DPP8: variants seen among roughly 807,000 people sequenced by gnomAD.
DPP8 encodes the protein DPP VIII.
In DPP8, 31 loss-of-function variants were observed where a neutral mutation model predicts 107.5. The observed-to-expected ratio is 0.29, with a 90% confidence interval of 0.22 to 0.39. The LOEUF is 0.39. Ranked by LOEUF, DPP8 falls within the 10% of genes least tolerant of loss-of-function variation. The pLI, the probability that DPP8 is intolerant of heterozygous loss-of-function variation, is 1.00. For synonymous variants in DPP8, 381 were observed against 356.6 expected, an observed-to-expected ratio of 1.07 and a Z score of -0.77; for missense variants, 842 against 1,076.1, an observed-to-expected ratio of 0.78 and a Z score of 3.04.
intron 19 of DPP8, among the ~76,000 whole-genome samples, 186 bp from the exon 20 acceptor site, chr15:65,447,192 G>A (rs1223692602): frequency 2.0e-5 from 3 of 151,886 alleles, no homozygotes; most frequent in Admixed American, 1.3e-4. Flanking sequence ...TTTAACATTA[G>A]GCTTAATGAT....
chr15:65,515,784 A>T, intron 1 of DPP8: 1 of 1,188,288 alleles, frequency 8.4e-7, no homozygotes, highest in South Asian at 1.3e-5. Context: ...TTTCCTCACC[A>T]TCAAAGCCTG....
intron 1 of DPP8, chr15:65,516,403 A>C (rs533350167): frequency 6.6e-6 from 1 of 152,274 alleles, no homozygotes; most frequent in East Asian, 1.9e-4. Flanking sequence ...TGGAAAAAGA[A>C]GCATTAAACT....
intron 14 of DPP8, 115 bp from the exon 15 acceptor site, chr15:65,464,021 C>G (rs2065130864): frequency 1.4e-6 from 1 of 716,358 alleles, no homozygotes; most frequent in Admixed American, 3.2e-5. Flanking sequence ...CTGACCACCC[C>G]TCTTTCAGAT....
At position 65,498,035 on chromosome 15, in the gene DPP8, A is replaced by T. The variant is rs756360929; in HGVS notation, c.547-3T>A. ...AGATTGGGCCTTAAAGGTTGTTGCT[A>T]GAAAAGTAAACAACATTTTAAGGTA... is the stretch of plus-strand genomic sequence containing the variant. On this transcript the variant is annotated splice_region_variant and splice_polypyrimidine_tract_variant and intron_variant, in intron 4 of 19. Transcript: ENST00000300141. The T allele has an allele frequency of 1.3e-6, 2 of 1,582,386 alleles. No homozygotes were observed. Among genetic ancestry groups the T allele is most frequent in the Admixed American group, 1.8e-5 (1 of 57,106 alleles).
intron 15 of DPP8, among the ~76,000 whole-genome samples, chr15:65,458,254 G>A (rs759362382): frequency 6.6e-6 from 1 of 151,094 alleles, no homozygotes; most frequent in South Asian, 2.1e-4. Flanking sequence ...ATAAGTATTT[G>A]TTACACAAAC....
rs1567303795 is a variant in DPP8, at chr15:65,512,487, TCTC to T, written c.64_66del (p.Glu22del). The T allele has an allele frequency of 1.9e-6, 3 of 1,614,010 alleles. No homozygotes were observed. The highest frequency in any genetic ancestry group is 1.7e-5 in the Admixed American group (1 of 59,992). On this transcript the variant is annotated inframe_deletion, in exon 2 of 20. Coordinates refer to ENST00000300141, the MANE Select transcript of DPP8 (RefSeq NM_130434.5). ...TTAGGCCGATCCTGTGATTCAATAT[TCTC>T]CTCACAGTCCGCAGTTTCAAATATC...
chr15:65,453,035 A>T (rs1271705413), intron 17 of DPP8, among the ~76,000 whole-genome samples: 2 of 152,200 alleles, frequency 1.3e-5, no homozygotes, highest in Admixed American at 6.5e-5. Flanking sequence ...CATGTTATTG[A>T]AATATTAAAA....
chr15:65,503,425 T>C (rs1359974257), intron 3 of DPP8, among the ~76,000 whole-genome samples: 1 of 151,234 alleles, frequency 6.6e-6, no homozygotes, highest in Non-Finnish European at 1.5e-5. Flanking sequence ...TCTTTATTGT[T>C]GATTACTTTT....
chr15:65,451,871 G>T, intron 18 of DPP8, 89 bp downstream of exon 18: 2 of 1,313,880 alleles, frequency 1.5e-6, no homozygotes, highest in Non-Finnish European at 2.0e-6. Flanking sequence ...GCTGCAGGGA[G>T]CCCTGATCAT....
At chr15:65,512,057 T>G (rs1567301964) in intron 2 of DPP8, 3 of 647,694 alleles carry the variant, frequency 4.6e-6, no homozygotes, top group African/African-American at 1.8e-5. Context: ...AGAAGCAATT[T>G]CTGGCATCTT....
chr15:65,478,010 A>G (rs2066562690), intron 11 of DPP8, among the ~76,000 whole-genome samples: 1 of 152,198 alleles, frequency 6.6e-6, no homozygotes, highest in Non-Finnish European at 1.5e-5. Context: ...GTACCCATTT[A>G]CTTTTCCTAG....
At chr15:65,456,890 C>T (rs2064471370) in intron 15 of DPP8, among the ~76,000 whole-genome samples, 1 of 152,170 alleles carries the variant, frequency 6.6e-6, no homozygotes, top group African/African-American at 2.4e-5. Context: ...ATTGTCAACA[C>T]TATCAAGTTG....
chr15:65,498,220 G>A (rs1163387489), intron 4 of DPP8, among the ~76,000 whole-genome samples, 188 bp from the exon 5 acceptor site: 2 of 152,088 alleles, frequency 1.3e-5, no homozygotes, highest in Non-Finnish European at 2.9e-5. Context: ...TCAGGAGTTC[G>A]AGACCAGCCT....
rs1319850039 is a variant in DPP8, at chr15:65,448,889, TATATATATATA to T, written c.2527-1894_2527-1884del. 4.0e-3 allele frequency among the ~76,000 whole-genome samples: 272 copies of T among 68,672 alleles called. 7 individuals carry two copies. Among genetic ancestry groups the T allele is most frequent in the African/African-American group, 0.015 (261 of 17,828 alleles). The allele number at this position is 68,672 out of a possible 152,430, so 45.1% of individuals were successfully genotyped here. ...AAATATATATATATATATATATATATATATATATATATATATATATATATATATATATATTT... is the reference window on the plus strand; with the variant it reads ...AAATATATATATATATATATATATATTATATATATATATATATATATATTT... On this transcript the variant is annotated intron_variant, in intron 19 of 19. Coordinates refer to ENST00000300141, the MANE Select transcript of DPP8 (RefSeq NM_130434.5).
intron 8 of DPP8, among the ~76,000 whole-genome samples, chr15:65,483,629 T>C (rs1364882694): frequency 6.6e-6 from 1 of 150,440 alleles, no homozygotes; most frequent in East Asian, 1.9e-4. Flanking sequence ...TAAAATAAAA[T>C]AAAATAAAAT....
chr15:65,466,180 C>T (rs2065333425), intron 14 of DPP8, among the ~76,000 whole-genome samples: 1 of 152,104 alleles, frequency 6.6e-6, no homozygotes, highest in East Asian at 1.9e-4. Context: ...GCTTTGTCAC[C>T]CAGGCTGCAG....
chr15:65,451,433 A>C (rs761218421), intron 18 of DPP8, among the ~76,000 whole-genome samples: 34 of 152,218 alleles, frequency 2.2e-4, no homozygotes, highest in Non-Finnish European at 3.4e-4. Flanking sequence ...TCGTGTACTT[A>C]ACTTTTTTCA....
At chr15:65,496,657 AT>A (rs943777386) in intron 5 of DPP8, among the ~76,000 whole-genome samples, 22 of 148,528 alleles carry the variant, frequency 1.5e-4, no homozygotes, top group South Asian at 4.3e-4. Context: ...CTGAAAGATA[AT>A]TTTTTTTTTT....
chr15:65,485,387 T>A (rs1338813181), intron 7 of DPP8, among the ~76,000 whole-genome samples: 1 of 150,822 alleles, frequency 6.6e-6, no homozygotes, highest in Non-Finnish European at 1.5e-5. Flanking sequence ...CTACTAAAAA[T>A]ACAAAAATTA....
Sources: allele counts gnomAD v4.1 joint callset (sites outside exome capture counted in the v4.1 genomes callset), GRCh38; gene constraint gnomAD v4.1.1; transcripts MANE v1.5; gene names NCBI Gene and HGNC (gene_info 2026-07-23, HGNC 2026-07-21).